NAA60: variants seen among roughly 807,000 people sequenced by gnomAD.
The protein encoded by NAA60 is N-alpha-acetyltransferase 60, NatF catalytic subunit.
A neutral mutation model predicts 26.1 loss-of-function variants in NAA60; 8 were observed. That is an observed-to-expected ratio of 0.31 (90% CI 0.18 to 0.55). The LOEUF is 0.55. Ranked by LOEUF, NAA60 falls within the 20% of genes least tolerant of loss-of-function variation. NAA60 has a pLI of 0.93. For synonymous variants in NAA60, 131 were observed against 122.5 expected, an observed-to-expected ratio of 1.07 and a Z score of -0.46; for missense variants, 290 against 311.3, an observed-to-expected ratio of 0.93 and a Z score of 0.51.
intron 1 of NAA60, among the ~76,000 whole-genome samples, chr16:3,446,062 C>T (rs181982880): frequency 5.3e-5 from 8 of 152,304 alleles, no homozygotes; most frequent in African/African-American, 9.6e-5. Flanking sequence ...AATCCTTCCA[C>T]GACAATCTTT....
chr16:3,483,739 G>A lies in NAA60; in HGVS notation c.572+142G>A, dbSNP rs138112126. On this transcript the variant is annotated intron_variant, in intron 6 of 7. Transcript: ENST00000407558. ...GGATGCTTCTCTCCCTTACCTGATC[G>A]TGTTGTGGGTAAACCTGACACACAT... 58 of 667,318 alleles carry A rather than the reference G, an allele frequency of 8.7e-5. No homozygotes were observed. The African/African-American group carries it at 9.5e-4, about 11-fold the overall frequency. The allele number at this position is 667,318 out of a possible 1,614,324, so 41.3% of individuals were successfully genotyped here.
intron 3 of NAA60, among the ~76,000 whole-genome samples, chr16:3,477,620 G>A (rs1015437824): frequency 9.3e-5 from 14 of 149,736 alleles, no homozygotes; most frequent in African/African-American, 3.4e-4. Flanking sequence ...GGCCAACATG[G>A]TGAAACCTCA....
intron 1 of NAA60, 24 bp downstream of exon 1, chr16:3,443,861 G>GAGC: frequency 6.5e-7 from 1 of 1,528,526 alleles, no homozygotes; most frequent in Non-Finnish European, 8.7e-7. Context: ...ACAGTGCCCT[G>GAGC]TAGGCCTGAA....
At chr16:3,484,444 G>A (rs748399687) in intron 6 of NAA60, 1 of 563,630 alleles carries the variant, frequency 1.8e-6, no homozygotes, top group Admixed American at 3.0e-5. Context: ...ATCCCTGGGT[G>A]TGGTGTCCAC....
At chr16:3,450,317 G>T (rs2034725245) in intron 2 of NAA60, among the ~76,000 whole-genome samples, 1 of 152,150 alleles carries the variant, frequency 6.6e-6, no homozygotes, top group Non-Finnish European at 1.5e-5. Context: ...TTCATGATTT[G>T]TTTCTGGGAC....
chr16:3,465,266 CAAA>C (rs529847098), intron 2 of NAA60, among the ~76,000 whole-genome samples: 4 of 87,666 alleles, frequency 4.6e-5, no homozygotes, highest in Admixed American at 1.2e-4. Flanking sequence ...GACTCTGTCT[CAAA>C]AAAAAAAAAA....
At chr16:3,475,093 CTT>C (rs3031367) in intron 2 of NAA60, among the ~76,000 whole-genome samples, 7 of 135,140 alleles carry the variant, frequency 5.2e-5, no homozygotes, top group African/African-American at 5.6e-5. Context: ...CCATCCTTTC[CTT>C]TTTTTTTTTT....
intron 2 of NAA60, among the ~76,000 whole-genome samples, chr16:3,450,859 A>G (rs1225101256): frequency 6.6e-6 from 1 of 152,168 alleles, no homozygotes; most frequent in Admixed American, 6.6e-5. Flanking sequence ...CATGGTATAG[A>G]AGCCTTGGGT....
intron 1 of NAA60, among the ~76,000 whole-genome samples, chr16:3,447,062 C>G (rs964838747): frequency 6.6e-6 from 1 of 151,982 alleles, no homozygotes; most frequent in Non-Finnish European, 1.5e-5. Flanking sequence ...AGGCTGGTCT[C>G]GAACTCCTGA....
Position 3,476,289 on chromosome 16 carries a change from A to T in NAA60, c.62A>T (p.Asp21Val). The T allele has an allele frequency of 6.2e-7, 1 of 1,613,566 alleles. No individual in the cohort carries two copies. The highest frequency in any genetic ancestry group is 8.5e-7 in the Non-Finnish European group (1 of 1,179,650). The change falls in exon 3 of 8, where the codon GAT (aspartate) becomes GTT (valine). Residue 21 changes from aspartate to valine, a missense_variant. Coordinates refer to ENST00000407558, the MANE Select transcript of NAA60 (RefSeq NM_001083601.3). ...SEVSLRLLCHDDIDTVKHLCG... is the reference protein window; with the variant it reads ...SEVSLRLLCHVDIDTVKHLCG... ...GTCAGCCTGCGCCTCCTCTGCCACG[A>T]TGACATAGACACTGTGAAGCACCTG...
chr16:3,479,366 G>A (rs1427071538), intron 3 of NAA60, 105 bp from the exon 4 acceptor site: 3 of 1,205,902 alleles, frequency 2.5e-6, no homozygotes, highest in African/African-American at 1.5e-5. Flanking sequence ...CCTTAGAGCA[G>A]CAGGCAGAAG....
In NAA60 at chr16:3,486,390, C is replaced by G. The variant is rs1487226216; in HGVS notation, c.*1130C>G. Reference sequence around the variant, plus strand: ...TGGCAGAGGGTCCTAGCGGCGCCACCCTGCCCCAGCCTGAGGAGGAGGGAG... The same window carrying G: ...TGGCAGAGGGTCCTAGCGGCGCCACGCTGCCCCAGCCTGAGGAGGAGGGAG... On this transcript the variant is annotated 3_prime_UTR_variant, in exon 8 of 8. Coordinates refer to ENST00000407558, the MANE Select transcript of NAA60 (RefSeq NM_001083601.3). 6.5e-6 allele frequency: 1 copy of G among 152,982 alleles called. No homozygotes were observed. The highest frequency in any genetic ancestry group is 1.5e-5 in the Non-Finnish European group (1 of 68,608). 9.5% of individuals were successfully genotyped at this position (152,982 alleles called of 1,614,324 possible). A position where few individuals can be genotyped will look rare whatever the true frequency, so the allele number is the denominator to read the frequency against.
chr16:3,479,151 A>C lies in NAA60; in HGVS notation c.111-320A>C, dbSNP rs189038727. ...GCTACTCGGGAGACCGAAGCAGGAG[A>C]ATCGATTGAACCCAGGAGGCAACGG... On this transcript the variant is annotated intron_variant, in intron 3 of 7. Coordinates refer to ENST00000407558, the MANE Select transcript of NAA60 (RefSeq NM_001083601.3). Among the ~76,000 whole-genome samples, 258 of 152,270 alleles carry C rather than the reference A, an allele frequency of 1.7e-3. 1 individual carries two copies. The highest frequency in any genetic ancestry group is 6.0e-3 in the African/African-American group (249 of 41,542).
chr16:3,455,319 C>T (rs1202580589), intron 2 of NAA60, among the ~76,000 whole-genome samples: 1 of 151,740 alleles, frequency 6.6e-6, no homozygotes, highest in East Asian at 1.9e-4. Flanking sequence ...GATCCACCCG[C>T]GTCAGCCTCC....
intron 2 of NAA60, among the ~76,000 whole-genome samples, chr16:3,453,873 A>C (rs928200889): frequency 2.0e-5 from 3 of 151,974 alleles, no homozygotes; most frequent in Admixed American, 6.6e-5. Context: ...CTCCCACCCC[A>C]ACCCCATCCA....
chr16:3,448,273 CA>C (rs34119288), intron 1 of NAA60, among the ~76,000 whole-genome samples, 197 bp from the exon 2 acceptor site: 38,200 of 118,498 alleles, frequency 0.32, 4,477 homozygotes, highest in African/African-American at 0.39. Flanking sequence ...GACCTTGTCT[CA>C]AAAAAAAAAA....
chr16:3,470,821 A>C lies in NAA60; in HGVS notation c.-6-5401A>C, dbSNP rs139690457. On this transcript the variant is annotated intron_variant, in intron 2 of 7. Coordinates refer to ENST00000407558, the MANE Select transcript of NAA60 (RefSeq NM_001083601.3). The stretch of plus-strand genomic sequence containing the variant: ...ACCTACAGCCATGCTCTTTGACCCC[A>C]TCTCTTCCTTTCATGGGCACACAGG... Among the ~76,000 whole-genome samples, 1,162 of 152,298 alleles carry C rather than the reference A, an allele frequency of 7.6e-3. 22 individuals carry two copies. Among genetic ancestry groups the C allele is most frequent in the African/African-American group, 0.027 (1,116 of 41,572 alleles).
At chr16:3,448,600 A>C in intron 2 of NAA60, 60 bp downstream of exon 2, 1 of 1,405,292 alleles carries the variant, frequency 7.1e-7, no homozygotes, top group Non-Finnish European at 9.6e-7. Context: ...GAGGAAGCCT[A>C]CTTAAGTGAA....
At chr16:3,482,912 C>A in intron 5 of NAA60, 1 of 510,992 alleles carries the variant, frequency 2.0e-6, no homozygotes, top group Non-Finnish European at 3.6e-6. Flanking sequence ...ACGCACAACT[C>A]GTGTATTCAC....
Sources: allele counts gnomAD v4.1 joint callset (sites outside exome capture counted in the v4.1 genomes callset), GRCh38; gene constraint gnomAD v4.1.1; transcripts MANE v1.5; gene names NCBI Gene and HGNC (gene_info 2026-07-23, HGNC 2026-07-21).